The following LRP1B variants were observed in gnomAD, a reference collection of about 807,000 sequenced individuals.
The protein encoded by LRP1B is low-density lipoprotein receptor-related protein 1B.
In LRP1B, 217 loss-of-function variants were observed where a neutral mutation model predicts 556.6. That is an observed-to-expected ratio of 0.39 (90% CI 0.35 to 0.44). The LOEUF (loss-of-function observed/expected upper bound fraction) is 0.44. Among genes scored for constraint, LRP1B ranks in the 20% least tolerant of loss-of-function variants. LRP1B has a pLI of 1.00. For synonymous variants in LRP1B, 2,047 were observed against 1,865.8 expected (o/e 1.10, Z -2.50); for missense variants, 5,053 against 5,620.8 (o/e 0.90, Z 3.23).
chr2:141,524,363 G>A (rs1433812697), intron 2 of LRP1B, among the ~76,000 whole-genome samples: 1 of 151,650 alleles, frequency 6.6e-6, no homozygotes, highest in East Asian at 1.9e-4. Flanking sequence ...TCCTTCTTCT[G>A]CTGTTGCAAT....
At chr2:141,584,374 T>C (rs925547848) in intron 2 of LRP1B, among the ~76,000 whole-genome samples, 13 of 152,034 alleles carry the variant, frequency 8.6e-5, no homozygotes, top group Non-Finnish European at 1.3e-4. Flanking sequence ...TCTTATAGAA[T>C]AGAAAGGAGC....
intron 7 of LRP1B, among the ~76,000 whole-genome samples, chr2:141,168,704 C>A (rs1168878829): frequency 2.6e-5 from 4 of 151,956 alleles, no homozygotes; most frequent in Non-Finnish European, 4.4e-5. Flanking sequence ...TAATCAGGAA[C>A]CCTAGAGAGA....
intron 41 of LRP1B, among the ~76,000 whole-genome samples, chr2:140,672,482 T>TAAAAAAAAAAAAA (rs55884730): frequency 3.7e-5 from 3 of 81,580 alleles, no homozygotes; most frequent in African/African-American, 1.6e-4. Context: ...AGACTCCATC[T>TAAAAAAAAAAAAA]AAAAAAAAAA....
intron 26 of LRP1B, 125 bp downstream of exon 26, chr2:140,867,974 A>C (rs1693003805): frequency 8.0e-7 from 1 of 1,252,970 alleles, no homozygotes; most frequent in Non-Finnish European, 1.1e-6. Context: ...GGGGCAAGCA[A>C]AAAAAAAATA....
intron 85 of LRP1B, among the ~76,000 whole-genome samples, chr2:140,272,849 TCTC>T (rs1333957705): frequency 1.3e-5 from 2 of 151,998 alleles, no homozygotes; most frequent in African/African-American, 4.8e-5. Flanking sequence ...AGTTCCACTA[TCTC>T]CTCATTGTTA....
intron 43 of LRP1B, among the ~76,000 whole-genome samples, chr2:140,579,515 A>G (rs903403968): frequency 6.6e-6 from 1 of 152,166 alleles, no homozygotes; most frequent in Non-Finnish European, 1.5e-5. Context: ...CCTGGGCTTT[A>G]TCTTGCCCTT....
At chr2:140,793,795 A>G (rs1017440780) in intron 32 of LRP1B, among the ~76,000 whole-genome samples, 1 of 152,096 alleles carries the variant, frequency 6.6e-6, no homozygotes, top group African/African-American at 2.4e-5. Flanking sequence ...TAAATTGGAC[A>G]GGAAACCTGC....
intron 35 of LRP1B, among the ~76,000 whole-genome samples, chr2:140,744,578 T>C (rs1688256941): frequency 6.6e-6 from 1 of 152,208 alleles, no homozygotes; most frequent in African/African-American, 2.4e-5. Context: ...TCAACATGCT[T>C]CCATCTCAGG....
intron 42 of LRP1B, among the ~76,000 whole-genome samples, chr2:140,599,605 T>C (rs1682575837): frequency 6.6e-6 from 1 of 152,078 alleles, no homozygotes; most frequent in South Asian, 2.1e-4. Context: ...TCAATTTTCA[T>C]TGTTGGTAAT....
At chr2:140,688,465 CA>C (rs142706267) in intron 41 of LRP1B, among the ~76,000 whole-genome samples, 1 of 151,584 alleles carries the variant, frequency 6.6e-6, no homozygotes, top group African/African-American at 2.4e-5. Flanking sequence ...ACAGATAAAA[CA>C]AAAAAAAGAA....
chr2:140,600,726 T>C (rs1382738702), intron 42 of LRP1B, among the ~76,000 whole-genome samples: 1 of 150,634 alleles, frequency 6.6e-6, no homozygotes, highest in South Asian at 2.1e-4. Context: ...AGTCCATAGA[T>C]AGGTATTTTT....
chr2:140,938,545 A>C (rs2105282796), intron 20 of LRP1B, among the ~76,000 whole-genome samples: 1 of 152,192 alleles, frequency 6.6e-6, no homozygotes, highest in South Asian at 2.1e-4. Flanking sequence ...GGGTTCATTT[A>C]AATGTTAGTT....
chr2:140,955,453 G>A (rs149897894), intron 18 of LRP1B, among the ~76,000 whole-genome samples: 1 of 151,568 alleles, frequency 6.6e-6, no homozygotes, highest in East Asian at 1.9e-4. Context: ...CAAATTGCAG[G>A]ACACTTGCAA....
intron 43 of LRP1B, among the ~76,000 whole-genome samples, chr2:140,574,326 G>A (rs1244955134): frequency 6.6e-6 from 1 of 152,042 alleles, no homozygotes; most frequent in African/African-American, 2.4e-5. Flanking sequence ...TCTTCAAATT[G>A]TTCTTGTATT....
chr2:140,485,427 G>T lies in LRP1B; in HGVS notation c.9341C>A (p.Ser3114Tyr), dbSNP rs2105362869. 4 of 1,613,636 alleles carry T rather than the reference G, an allele frequency of 2.5e-6. No individual in the cohort carries two copies. Among genetic ancestry groups the T allele is most frequent in the African/African-American group, 1.3e-5 (1 of 75,006 alleles). Residue 3114 changes from serine (S) to tyrosine (Y), a missense_variant, in exon 59 of 91, where the codon TCC (serine) becomes TAC (tyrosine). Coordinates refer to ENST00000389484, the MANE Select transcript of LRP1B (RefSeq NM_018557.3). The part of the protein sequence containing the change: ...SDTEKRIIEV[S>Y]KLNGLYPTIL... ...AGTAGGGTACAAGCCATTGAGTTTG[G>T]ATACTTCAATGATTCTTTTTTCTGT...
chr2:140,504,298 A>T (rs1032781833), intron 53 of LRP1B, among the ~76,000 whole-genome samples: 3 of 152,066 alleles, frequency 2.0e-5, no homozygotes, highest in African/African-American at 7.2e-5. Context: ...TTCTGACCAC[A>T]CTACCTTAGA....
At chr2:141,691,030 T>C (rs1282050500) in intron 2 of LRP1B, among the ~76,000 whole-genome samples, 1 of 151,892 alleles carries the variant, frequency 6.6e-6, no homozygotes, top group Non-Finnish European at 1.5e-5. Context: ...TTCTGGCATT[T>C]CTAAGAATGG....
chr2:141,115,333 A>G (rs1700860670), intron 7 of LRP1B, among the ~76,000 whole-genome samples: 1 of 152,188 alleles, frequency 6.6e-6, no homozygotes, highest in Non-Finnish European at 1.5e-5. Flanking sequence ...CAAGGATTCA[A>G]TAAACCCAGA....
chr2:140,760,719 C>T (rs1688890797), intron 35 of LRP1B, among the ~76,000 whole-genome samples: 1 of 151,996 alleles, frequency 6.6e-6, no homozygotes, highest in African/African-American at 2.4e-5. Context: ...AACCCTGTCT[C>T]TATTAAAAAT....
Sources: gnomAD v4.1 joint callset for allele counts (sites outside exome capture counted in the v4.1 genomes callset) on GRCh38, gnomAD v4.1.1 for gene constraint, MANE v1.5 for transcripts, NCBI Gene and HGNC (gene_info 2026-07-23, HGNC 2026-07-21) for gene names.